Variants in GPC3 observed in about 807,000 individuals in gnomAD.
GPC3 encodes glypican 3, also known as glypican-3.
In GPC3, 3 loss-of-function variants were observed where a neutral mutation model predicts 34.4. The observed-to-expected ratio is 0.09, with a 90% confidence interval of 0.04 to 0.23. GPC3 has a LOEUF of 0.23. Ranked by LOEUF, GPC3 falls within the 10% of genes least tolerant of loss-of-function variation. The probability of loss-of-function intolerance (pLI) is 1.00; values close to 1 mark genes in which losing one functional copy is unlikely to be tolerated. For missense variants in GPC3, 351 were observed against 445.6 expected, an observed-to-expected ratio of 0.79 and a Z score of 1.91; for synonymous variants, 177 against 174.0, an observed-to-expected ratio of 1.02 and a Z score of -0.13.
intron 3 of GPC3, among the ~76,000 whole-genome samples, chrX:133,705,469 C>T (rs932217623): frequency 8.9e-6 from 1 of 112,037 alleles, no homozygotes; most frequent in Non-Finnish European, 1.9e-5. Flanking sequence ...TGGGATTACA[C>T]AGAATGGGTA....
In GPC3 at chrX:133,727,274, G is replaced by A. The variant is rs183091884; in HGVS notation, c.1032+26208C>T. Reference sequence around the variant, plus strand: ...AAAAAGTGATATGTGGGCTGTGTGCGGTGGCTCACGCCTGTAATCCTAGCA... The same window carrying A: ...AAAAAGTGATATGTGGGCTGTGTGCAGTGGCTCACGCCTGTAATCCTAGCA... On this transcript the variant is annotated intron_variant, in intron 3 of 7. Transcript: ENST00000370818. Among the ~76,000 whole-genome samples the A allele has an allele frequency of 5.4e-3, 600 of 111,487 alleles. 9 individuals are homozygous for A. Among genetic ancestry groups the A allele is most frequent in the Admixed American group, 0.039 (410 of 10,510 alleles).
chrX:133,627,868 C>T (rs1479488556), intron 6 of GPC3, among the ~76,000 whole-genome samples: 5 of 112,112 alleles, frequency 4.5e-5, no homozygotes, highest in African/African-American at 1.6e-4. Flanking sequence ...GCCCTATGGG[C>T]TAAGGCTATA....
chrX:133,705,706 G>A (rs890634942), intron 3 of GPC3, among the ~76,000 whole-genome samples: 4 of 112,322 alleles, frequency 3.6e-5, no homozygotes, highest in African/African-American at 1.3e-4. Flanking sequence ...CTGTGGTTAT[G>A]TGGACACCTT....
At chrX:133,683,240 C>A (rs2070963775) in intron 5 of GPC3, among the ~76,000 whole-genome samples, 2 of 112,034 alleles carry the variant, frequency 1.8e-5, no homozygotes, top group African/African-American at 6.5e-5. Context: ...TACCAAGGCA[C>A]TACCTTTGAA....
rs552722444 is a variant in GPC3, at chrX:133,765,599, A to G, written c.338-11423T>C. ...AGGACAATTAATGTGTGCATTTTAC[A>G]TAGCCTTGCTCTTATATGCTCTTCT... On this transcript the variant is annotated intron_variant, in intron 2 of 7. Coordinates refer to ENST00000370818, the MANE Select transcript of GPC3 (RefSeq NM_004484.4). Among the ~76,000 whole-genome samples the G allele has an allele frequency of 5.4e-5, 6 of 111,913 alleles. No individual in the cohort carries two copies. The South Asian group carries it at 2.3e-3, about 42-fold the overall frequency.
chrX:133,954,184 G>A (rs2076405929), intron 1 of GPC3, among the ~76,000 whole-genome samples: 1 of 111,571 alleles, frequency 9.0e-6, no homozygotes, highest in African/African-American at 3.3e-5. Context: ...GGAGGGGTAG[G>A]AGGAAGGGTT....
Position 133,975,503 on chromosome X carries a change from C to T in GPC3, c.175+9772G>A, listed in dbSNP as rs1367735071. ...AGTGTGGTGGTATGATGGTAGCTCA[C>T]TGCAGCCTTGAACTCAGCCCTCTTA... On this transcript the variant is annotated intron_variant, in intron 1 of 7. Transcript: ENST00000370818. Among the ~76,000 whole-genome samples, 3 of 111,312 alleles carry T rather than the reference C, an allele frequency of 2.7e-5. No homozygotes were observed. The East Asian group carries it at 8.5e-4, about 31-fold the overall frequency.
chrX:133,841,605 AAAG>A (rs1279743017), intron 2 of GPC3, among the ~76,000 whole-genome samples: 1 of 111,155 alleles, frequency 9.0e-6, no homozygotes, highest in African/African-American at 3.3e-5. Flanking sequence ...GCTGGAAATA[AAAG>A]AAGTTTAGGC....
At chrX:133,811,443 TTTG>T (rs1349048121) in intron 2 of GPC3, among the ~76,000 whole-genome samples, 1 of 111,703 alleles carries the variant, frequency 9.0e-6, no homozygotes, top group Non-Finnish European at 1.9e-5. Context: ...TTTGTTTTGT[TTTG>T]TTTTTTGTTT....
intron 2 of GPC3, among the ~76,000 whole-genome samples, chrX:133,945,713 C>T (rs1212763192): frequency 9.5e-6 from 1 of 105,370 alleles, no homozygotes; most frequent in Non-Finnish European, 1.9e-5. Context: ...AAGATCAGGC[C>T]ATTGTACTCC....
At chrX:133,673,309 C>T (rs1456995709) in intron 5 of GPC3, among the ~76,000 whole-genome samples, 1 of 112,425 alleles carries the variant, frequency 8.9e-6, no homozygotes, top group African/African-American at 3.2e-5. Flanking sequence ...CAAAGTCATT[C>T]AGCCCAATGT....
chrX:133,786,349 A>G (rs745422627), intron 2 of GPC3, among the ~76,000 whole-genome samples: 1 of 112,316 alleles, frequency 8.9e-6, no homozygotes, highest in African/African-American at 3.2e-5. Context: ...GAGCCGAGAT[A>G]GCACCATTGC....
At chrX:133,602,394 T>TGA (rs2069992631) in intron 6 of GPC3, among the ~76,000 whole-genome samples, 4 of 111,489 alleles carry the variant, frequency 3.6e-5, no homozygotes, top group Non-Finnish European at 5.7e-5. Context: ...GGGATCCTCC[T>TGA]TCTATCAGAT....
At chrX:133,722,367 T>G (rs2071375224) in intron 3 of GPC3, among the ~76,000 whole-genome samples, 1 of 111,403 alleles carries the variant, frequency 9.0e-6, no homozygotes, top group Non-Finnish European at 1.9e-5. Context: ...TAAAACAATG[T>G]CACTGCCTTT....
intron 2 of GPC3, among the ~76,000 whole-genome samples, chrX:133,804,132 T>C (rs1334533351): frequency 9.0e-6 from 1 of 111,175 alleles, no homozygotes; most frequent in East Asian, 2.8e-4. Flanking sequence ...AAAATATATC[T>C]CTCAAACTTG....
intron 1 of GPC3, among the ~76,000 whole-genome samples, chrX:133,972,451 G>C (rs2076497628): frequency 8.9e-6 from 1 of 112,115 alleles, no homozygotes; most frequent in African/African-American, 3.2e-5. Flanking sequence ...AATGATCTCA[G>C]GAGATAGCTG....
At chrX:133,690,918 A>G (rs967608567) in intron 5 of GPC3, among the ~76,000 whole-genome samples, 2 of 111,826 alleles carry the variant, frequency 1.8e-5, no homozygotes, top group Admixed American at 9.5e-5. Context: ...AAGCATGTTC[A>G]TCAACTCTTT....
chrX:133,681,952 C>T (rs1365741538), intron 5 of GPC3, among the ~76,000 whole-genome samples: 2 of 112,218 alleles, frequency 1.8e-5, no homozygotes, highest in African/African-American at 6.5e-5. Flanking sequence ...TCACACTCAG[C>T]AGCCTTGTTT....
chrX:133,586,695 T>G (rs2069791469), intron 7 of GPC3, among the ~76,000 whole-genome samples: 1 of 112,276 alleles, frequency 8.9e-6, no homozygotes, highest in Admixed American at 9.4e-5. Context: ...GACATATTTG[T>G]CATTGTTCAA....
Sources: gnomAD v4.1 joint callset for allele counts (sites outside exome capture counted in the v4.1 genomes callset) on GRCh38, gnomAD v4.1.1 for gene constraint, MANE v1.5 for transcripts, NCBI Gene and HGNC (gene_info 2026-07-23, HGNC 2026-07-21) for gene names.